The following FLACC1 variants were observed in gnomAD, a reference collection of about 807,000 sequenced individuals.
The protein encoded by FLACC1 is flagellum-associated coiled-coil domain-containing protein 1.
A neutral mutation model predicts 62.8 loss-of-function variants in FLACC1; 66 were observed. The ratio of observed to expected loss-of-function variants is 1.05; its 90% CI spans 0.86 to 1.29. FLACC1 has a LOEUF of 1.29. FLACC1 is among the 50% of genes most tolerant of loss of function. The probability of loss-of-function intolerance (pLI) is 0.00; values close to 1 mark genes in which losing one functional copy is unlikely to be tolerated. For missense variants in FLACC1, 452 were observed against 489.1 expected (o/e 0.92, Z 0.71); for synonymous variants, 156 against 161.0 (o/e 0.97, Z 0.24).
At chr2:201,303,898 C>T (rs1167142265) in intron 11 of FLACC1, among the ~76,000 whole-genome samples, 1 of 152,188 alleles carries the variant, frequency 6.6e-6, no homozygotes, top group African/African-American at 2.4e-5. Flanking sequence ...GCTAAAAACT[C>T]TCAATAAATT....
At chr2:201,342,241 A>G (rs1950823171) in intron 7 of FLACC1, 129 bp downstream of exon 7, 3 of 854,160 alleles carry the variant, frequency 3.5e-6, no homozygotes, top group Non-Finnish European at 5.6e-6. Flanking sequence ...TGTCTTGTTC[A>G]TCTCCCCCAC....
chr2:201,293,871 C>G (rs1229066773), intron 12 of FLACC1, among the ~76,000 whole-genome samples: 3 of 151,730 alleles, frequency 2.0e-5, no homozygotes, highest in Non-Finnish European at 4.4e-5. Flanking sequence ...CTACAAACTA[C>G]CATCAGAGAG....
Position 201,289,879 on chromosome 2 carries a change from C to A in FLACC1, c.943-94G>T, listed in dbSNP as rs775093009. 11 of 1,600,500 alleles carry A rather than the reference C, an allele frequency of 6.9e-6. No homozygotes were observed. In the East Asian group the frequency reaches 1.6e-4, roughly 23 times the overall value. ...CCTGGACTATGATGAAAGGGAGCAA[C>A]CTGAGCTACTTTTGCATCACTCATG... is the stretch of plus-strand genomic sequence containing the variant. On this transcript the variant is annotated intron_variant, in intron 12 of 14. Transcript: ENST00000392257.
chr2:201,309,905 C>CAA lies in FLACC1; in HGVS notation c.676-657_676-656dup, dbSNP rs1161849891. Among the ~76,000 whole-genome samples the CAA allele has an allele frequency of 1.5e-3, 69 of 44,546 alleles. 2 individuals are homozygous for CAA. The highest frequency in any genetic ancestry group is 2.3e-3 in the African/African-American group (37 of 16,382). 29.2% of individuals were successfully genotyped at this position (44,546 alleles called of 152,430 possible). A position where few individuals can be genotyped will look rare whatever the true frequency, so the allele number is the denominator to read the frequency against. On this transcript the variant is annotated intron_variant, in intron 9 of 14. Transcript: ENST00000392257. ...CTGGTGACAGAGTGAGACTCTGTCT[C>CAA]AAAAAAAAAAAAAAAAAAAAAAGAA... is the stretch of plus-strand genomic sequence containing the variant.
intron 9 of FLACC1, among the ~76,000 whole-genome samples, chr2:201,309,856 G>A (rs577278425): frequency 5.4e-4 from 71 of 132,110 alleles, no homozygotes; most frequent in African/African-American, 1.2e-3. Flanking sequence ...GCAGTGAGCC[G>A]AGATCACGCC....
intron 11 of FLACC1, among the ~76,000 whole-genome samples, chr2:201,303,641 G>A (rs1950037987): frequency 6.6e-6 from 1 of 152,138 alleles, no homozygotes; most frequent in South Asian, 2.1e-4. Context: ...GAGAATTTTA[G>A]ACCAATATCC....
chr2:201,330,336 A>T, intron 9 of FLACC1, 134 bp downstream of exon 9: 1 of 771,862 alleles, frequency 1.3e-6, no homozygotes, highest in Non-Finnish European at 2.0e-6. Context: ...GGGTGCAGCT[A>T]GTGCCACTTA....
In FLACC1 at chr2:201,288,733, C is replaced by T. The variant is rs779767842; in HGVS notation, c.1191G>A (p.Gly397=). The T allele has an allele frequency of 6.2e-7, 1 of 1,613,994 alleles. No individual in the cohort carries two copies. Among genetic ancestry groups the T allele is most frequent in the East Asian group, 2.2e-5 (1 of 44,864 alleles). The change falls in exon 15 of 15, where the codon GGG becomes GGA. Residue 397 remains glycine (G), a synonymous_variant. Coordinates refer to ENST00000392257, the MANE Select transcript of FLACC1 (RefSeq NM_001127391.3). ...KNEEICEGCS[G]RLASITVSKD... ...TAGAAACAGTAATAGAGGCCAATCTCCCAGAACATCCTTCACAAATTTCTT... is the reference window on the plus strand; with the variant it reads ...TAGAAACAGTAATAGAGGCCAATCTTCCAGAACATCCTTCACAAATTTCTT...
At chr2:201,321,462 TC>T (rs1440617904) in intron 9 of FLACC1, among the ~76,000 whole-genome samples, 1 of 152,150 alleles carries the variant, frequency 6.6e-6, no homozygotes, top group Non-Finnish European at 1.5e-5. Context: ...GGAAAAGTCT[TC>T]AGCTCTAACC....
chr2:201,293,544 C>T (rs1204611696), intron 12 of FLACC1, among the ~76,000 whole-genome samples: 3 of 152,142 alleles, frequency 2.0e-5, no homozygotes, highest in African/African-American at 7.2e-5. Context: ...AAATTTATGG[C>T]ACTAAATGCC....
chr2:201,332,645 G>C (rs1294916737), intron 7 of FLACC1, among the ~76,000 whole-genome samples: 2 of 152,058 alleles, frequency 1.3e-5, no homozygotes, highest in Non-Finnish European at 2.9e-5. Flanking sequence ...CTGTGCAATA[G>C]ATCTAAGAAA....
chr2:201,293,088 C>T (rs1184705279), intron 12 of FLACC1, among the ~76,000 whole-genome samples: 3 of 152,080 alleles, frequency 2.0e-5, no homozygotes, highest in Non-Finnish European at 4.4e-5. Context: ...CTTTAACACC[C>T]CACTGTCAAC....
chr2:201,330,971 C>CTTTTT, intron 7 of FLACC1, 138 bp from the exon 8 acceptor site: 1 of 425,046 alleles, frequency 2.4e-6, no homozygotes. Context: ...ATTTTTAAAT[C>CTTTTT]TTTTTTTTTT....
chr2:201,346,630 C>T lies in FLACC1; in HGVS notation c.280G>A (p.Glu94Lys). Reference protein sequence around the residue: ...SPGYQLVRNREQISVTLGDEM... With the variant: ...SPGYQLVRNRKQISVTLGDEM... ...TCCCCTAAGGTGACAGAAATCTGTT[C>T]CCGATTCCGAACAAGTTGATAGCCA... The change falls in exon 5 of 15, where the codon GAA (glutamate) becomes AAA (lysine). Residue 94 changes from glutamate to lysine, a missense_variant. Around this residue, in one of 3 missense-constraint regions of FLACC1, gnomAD observed 147 missense variants for 152.7 expected, o/e 0.96. Transcript: ENST00000392257. This position sits in a 1 kb window ranked among gnomAD's most constrained non-coding sequence, Gnocchi z 4.0. 6.2e-7 allele frequency: 1 copy of T among 1,614,232 alleles called. No individual in the cohort carries two copies. Among genetic ancestry groups the T allele is most frequent in the Non-Finnish European group, 8.5e-7 (1 of 1,180,046 alleles).
At chr2:201,343,041 C>A (rs6711422) in intron 6 of FLACC1, among the ~76,000 whole-genome samples, 9 of 152,154 alleles carry the variant, frequency 5.9e-5, no homozygotes, top group Non-Finnish European at 1.2e-4. Context: ...AGGGCTTGTC[C>A]TTGTACCTCT....
chr2:201,358,268 C>T (rs1271273395), upstream of FLACC1, among the ~76,000 whole-genome samples: 1 of 152,148 alleles, frequency 6.6e-6, no homozygotes, highest in Non-Finnish European at 1.5e-5. Flanking sequence ...ACTCTGTTAC[C>T]CAGGCTGCGG....
intron 7 of FLACC1, among the ~76,000 whole-genome samples, chr2:201,333,364 G>C (rs1950630845): frequency 6.6e-6 from 1 of 152,038 alleles, no homozygotes; most frequent in Admixed American, 6.6e-5. Flanking sequence ...TTTGAGAAAT[G>C]TCTATTCAGG....
intron 3 of FLACC1, among the ~76,000 whole-genome samples, chr2:201,348,810 A>T (rs1440338959): frequency 6.6e-6 from 1 of 152,186 alleles, no homozygotes; most frequent in Non-Finnish European, 1.5e-5. Context: ...TATATATGCT[A>T]TATATAAAAT....
At chr2:201,320,036 C>T (rs2125579522) in intron 9 of FLACC1, among the ~76,000 whole-genome samples, 1 of 152,332 alleles carries the variant, frequency 6.6e-6, no homozygotes, top group East Asian at 1.9e-4. Context: ...GGGAGAAAGC[C>T]CTAACCCTAT....
Sources: gnomAD v4.1 joint callset for allele counts (sites outside exome capture counted in the v4.1 genomes callset) on GRCh38, gnomAD v4.1.1 for gene constraint, gnomAD v4.1.1 regional missense constraint, Gnocchi (gnomAD v3.1) non-coding constraint, MANE v1.5 for transcripts, NCBI Gene and HGNC (gene_info 2026-07-23, HGNC 2026-07-21) for gene names.